RARG: variants seen among roughly 807,000 people sequenced by gnomAD.
The protein encoded by RARG is retinoic acid receptor gamma, also known as RAR-gamma.
RARG carries 17 observed loss-of-function variants against 43.7 expected under a neutral mutation model. The observed-to-expected ratio is 0.39, with a 90% CI of 0.27 to 0.58. The LOEUF is 0.58. Among genes scored for constraint, RARG ranks in the 20% least tolerant of loss-of-function variants. RARG has a pLI of 0.57. For missense variants in RARG, 346 were observed against 598.7 expected, an observed-to-expected ratio of 0.58 and a Z score of 4.40; for synonymous variants, 238 against 236.4, an observed-to-expected ratio of 1.01 and a Z score of -0.06.
In RARG at chr12:53,215,700, G is replaced by A. The variant is rs1167984913; in HGVS notation, c.279C>T (p.Cys93=). 6.2e-7 allele frequency: 1 copy of A among 1,613,864 alleles called. No homozygotes were observed. Among genetic ancestry groups the A allele is most frequent in the Non-Finnish European group, 8.5e-7 (1 of 1,179,964 alleles). The stretch of plus-strand genomic sequence containing the variant: ...AGTGGTAGCCAGAGGACTTGTCATT[G>A]CACACGAAGCATGGCTTGTAGACCC... ...PPRVYKPCFV[C]NDKSSGYHYG... is the part of the protein sequence containing the mutation. Residue 93 remains cysteine (C), a synonymous_variant, in exon 4 of 10, where the codon TGC becomes TGT. Transcript: ENST00000425354. The surrounding 1 kb of genome is among the most constrained non-coding windows in gnomAD (Gnocchi z 6.4).
chr12:53,215,226 G>A lies in RARG; in HGVS notation c.475+67C>T. ...GGTCAGGGAAGTGGGAGTGGCCAGA[G>A]GAAAGAGGGCCACAGCCATAGGGTA... On this transcript the variant is annotated intron_variant, in intron 5 of 9. Transcript: ENST00000425354. The surrounding 1 kb of genome is among the most constrained non-coding windows in gnomAD (Gnocchi z 6.4). 1.3e-6 allele frequency: 2 copies of A among 1,575,534 alleles called. No individual in the cohort carries two copies. Among genetic ancestry groups the A allele is most frequent in the Non-Finnish European group, 1.7e-6 (2 of 1,157,786 alleles).
intron 2 of RARG, among the ~76,000 whole-genome samples, chr12:53,230,247 A>G (rs1432395614): frequency 1.3e-5 from 2 of 151,686 alleles, no homozygotes; most frequent in African/African-American, 4.9e-5. Flanking sequence ...GGGATGACAG[A>G]CTAGGGGAGA....
In RARG at chr12:53,221,084, G is replaced by A. The variant is rs565438064; in HGVS notation, c.185-5290C>T. 4.1e-4 allele frequency among the ~76,000 whole-genome samples: 63 copies of A among 151,948 alleles called. 1 individual carries two copies. In the East Asian group the frequency reaches 0.012, roughly 29 times the overall value. ...TCTGGGAACCCCCCTCGGGGCGGGT[G>A]GCCGAGCGCGCTCACCTCCTCCTGA... On this transcript the variant is annotated intron_variant, in intron 3 of 9. Transcript: ENST00000425354.
In RARG at chr12:53,211,045, T is replaced by C. The variant is rs538720633; in HGVS notation, c.*631A>G. The stretch of plus-strand genomic sequence containing the variant: ...ATGACAGGGCTGGGGGAGGGACTTA[T>C]AACGGAGGGCACAGGGTGAACTCTG... On this transcript the variant is annotated 3_prime_UTR_variant, in exon 10 of 10. Coordinates refer to ENST00000425354, the MANE Select transcript of RARG (RefSeq NM_000966.6). The surrounding 1 kb of genome is among the most constrained non-coding windows in gnomAD (Gnocchi z 4.6). 2.6e-5 allele frequency: 4 copies of C among 152,642 alleles called. No individual in the cohort carries two copies. Among genetic ancestry groups the C allele is most frequent in the African/African-American group, 9.7e-5 (4 of 41,396 alleles). The allele number at this position is 152,642 out of a possible 1,614,324, so 9.5% of individuals were successfully genotyped here.
intron 2 of RARG, chr12:53,230,068 G>C: frequency 1.2e-6 from 1 of 821,664 alleles, no homozygotes; most frequent in Non-Finnish European, 1.5e-6. Flanking sequence ...GAAGAGAAGG[G>C]GAGGGTCTTA....
rs961403196 is a variant in RARG at position 53,213,414 on chromosome 12, C to T, written c.1018+82G>A. On this transcript the variant is annotated intron_variant, in intron 8 of 9. Coordinates refer to ENST00000425354, the MANE Select transcript of RARG (RefSeq NM_000966.6). This position sits in a 1 kb window ranked among gnomAD's most constrained non-coding sequence, Gnocchi z 4.7. ...GCAGAAGAGACCACTGGGTCCTCCACGCCCCCTCCCAGACAGATTCCGCAT... is the reference window on the plus strand; with the variant it reads ...GCAGAAGAGACCACTGGGTCCTCCATGCCCCCTCCCAGACAGATTCCGCAT... 4.6e-6 allele frequency: 7 copies of T among 1,531,934 alleles called. No homozygotes were observed. The highest frequency in any genetic ancestry group is 2.3e-5 in the South Asian group (2 of 88,404). 94.9% of individuals were successfully genotyped at this position (1,531,934 alleles called of 1,614,324 possible). A position where few individuals can be genotyped will look rare whatever the true frequency, so the allele number is the denominator to read the frequency against.
chr12:53,215,178 C>A lies in RARG; in HGVS notation c.475+115G>T. ...AGACTGGCCTGGGAGAAGGCAGCAC[C>A]CCAGGGCAGGCCAAGTCTCAGAGGT... is the stretch of plus-strand genomic sequence containing the variant. On this transcript the variant is annotated intron_variant, in intron 5 of 9. Coordinates refer to ENST00000425354, the MANE Select transcript of RARG (RefSeq NM_000966.6). This position sits in a 1 kb window ranked among gnomAD's most constrained non-coding sequence, Gnocchi z 6.4. The A allele has an allele frequency of 7.3e-7, 1 of 1,373,622 alleles. No homozygotes were observed. 85.1% of individuals were successfully genotyped at this position (1,373,622 alleles called of 1,614,324 possible). A position where few individuals can be genotyped will look rare whatever the true frequency, so the allele number is the denominator to read the frequency against.
At chr12:53,217,838 A>G (rs957665998) in intron 3 of RARG, among the ~76,000 whole-genome samples, 1 of 152,150 alleles carries the variant, frequency 6.6e-6, no homozygotes, top group African/African-American at 2.4e-5. Context: ...GGAGCTTCAA[A>G]CAAACTCTTT....
intron 3 of RARG, among the ~76,000 whole-genome samples, chr12:53,224,245 TCAGACCCC>T (rs1223071308): frequency 6.6e-6 from 1 of 151,408 alleles, no homozygotes; most frequent in East Asian, 2.0e-4. Flanking sequence ...TCACCCCCCT[TCAGACCCC>T]GAGACAGCCC....
rs976418344 is a variant in RARG at position 53,231,964 on chromosome 12, C to G, written c.-210+10G>C. Reference sequence around the variant, plus strand: ...CGGGGCGGGCGAGCCTGCTTCCCCGCCTGACTCACCTGGAGTGGGAGGGGG... The same window carrying G: ...CGGGGCGGGCGAGCCTGCTTCCCCGGCTGACTCACCTGGAGTGGGAGGGGG... On this transcript the variant is annotated intron_variant, in intron 1 of 9. Transcript: ENST00000425354. The G allele has an allele frequency of 5.1e-6, 2 of 395,934 alleles. No homozygotes were observed. The highest frequency in any genetic ancestry group is 4.1e-5 in the African/African-American group (2 of 48,556). The allele number at this position is 395,934 out of a possible 1,614,324, so 24.5% of individuals were successfully genotyped here. A position where few individuals can be genotyped will look rare whatever the true frequency, so the allele number is the denominator to read the frequency against.
chr12:53,219,936 A>T, intron 3 of RARG: 1 of 1,497,002 alleles, frequency 6.7e-7, no homozygotes, highest in Non-Finnish European at 8.9e-7. Flanking sequence ...CCAGCCCCGG[A>T]CTCCGGTACC....
At chr12:53,216,130 A>G (rs1400572141) in intron 3 of RARG, among the ~76,000 whole-genome samples, 2 of 152,256 alleles carry the variant, frequency 1.3e-5, no homozygotes, top group South Asian at 4.1e-4. Context: ...CTGTTTCCCT[A>G]ACTATCCAGG....
chr12:53,220,040 G>A (rs1942906685), intron 3 of RARG: 1 of 1,542,248 alleles, frequency 6.5e-7, no homozygotes, highest in South Asian at 1.2e-5. Context: ...CCGGCCCCGG[G>A]CCCGGCCGCC....
At position 53,211,559 on chromosome 12, in the gene RARG, T is replaced by C. The variant is rs1429357861; in HGVS notation, c.*117A>G. 5 of 1,006,764 alleles carry C rather than the reference T, an allele frequency of 5.0e-6. No homozygotes were observed. The highest frequency in any genetic ancestry group is 6.7e-6 in the Non-Finnish European group (5 of 750,836). The allele number at this position is 1,006,764 out of a possible 1,614,324, so 62.4% of individuals were successfully genotyped here. The stretch of plus-strand genomic sequence containing the variant: ...AACTTTGGCAAAAACAAGGAGCTCA[T>C]TGGAAGGGGTGGGGAGAGGGCAGAG... On this transcript the variant is annotated 3_prime_UTR_variant, in exon 10 of 10. Transcript: ENST00000425354. This position sits in a 1 kb window ranked among gnomAD's most constrained non-coding sequence, Gnocchi z 4.6.
Position 53,213,473 on chromosome 12 carries a change from G to C in RARG, c.1018+23C>G. The C allele has an allele frequency of 6.2e-7, 1 of 1,610,810 alleles. No individual in the cohort carries two copies. The highest frequency in any genetic ancestry group is 1.3e-5 in the African/African-American group (1 of 75,004). The stretch of plus-strand genomic sequence containing the variant: ...GGGAAAGGAGACTGAGCACTGAGCA[G>C]ACGCCAGGGGGCGCCCCCGCACCTC... On this transcript the variant is annotated intron_variant, in intron 8 of 9. Coordinates refer to ENST00000425354, the MANE Select transcript of RARG (RefSeq NM_000966.6). The surrounding 1 kb of genome is among the most constrained non-coding windows in gnomAD (Gnocchi z 4.7).
At position 53,215,876 on chromosome 12, in the gene RARG, TGCATTTGTTCCTTG is replaced by T. The variant is rs912733451; in HGVS notation, c.185-96_185-83del. Reference sequence around the variant, plus strand: ...GCTTCCTCATCACACACACCCCATGTGCATTTGTTCCTTGGCCCACTGGTGACAGCCATCACTAC... The same window carrying T: ...GCTTCCTCATCACACACACCCCATGTGCCCACTGGTGACAGCCATCACTAC... On this transcript the variant is annotated intron_variant, in intron 3 of 9. Coordinates refer to ENST00000425354, the MANE Select transcript of RARG (RefSeq NM_000966.6). The surrounding 1 kb of genome is among the most constrained non-coding windows in gnomAD (Gnocchi z 6.4). 7.0e-7 allele frequency: 1 copy of T among 1,419,428 alleles called. No homozygotes were observed. The highest frequency in any genetic ancestry group is 1.4e-5 in the African/African-American group (1 of 70,012). The allele number at this position is 1,419,428 out of a possible 1,614,324, so 87.9% of individuals were successfully genotyped here.
At chr12:53,221,061 T>C (rs796733594) in intron 3 of RARG, among the ~76,000 whole-genome samples, 4 of 151,964 alleles carry the variant, frequency 2.6e-5, no homozygotes, top group African/African-American at 9.7e-5. Flanking sequence ...GTGAACTCTC[T>C]GGGAACCCCC....
At chr12:53,225,091 A>G (rs764808380) in intron 3 of RARG, among the ~76,000 whole-genome samples, 1 of 152,206 alleles carries the variant, frequency 6.6e-6, no homozygotes, top group African/African-American at 2.4e-5. Context: ...GTTCTCTGCC[A>G]GAAGTACATT....
intron 9 of RARG, among the ~76,000 whole-genome samples, chr12:53,212,164 C>T (rs1942608938): frequency 6.6e-6 from 1 of 152,254 alleles, no homozygotes; most frequent in Non-Finnish European, 1.5e-5. Flanking sequence ...AAGTACCCCA[C>T]TCTCGAATGT....
Sources: gnomAD v4.1 joint callset for allele counts (sites outside exome capture counted in the v4.1 genomes callset) on GRCh38, gnomAD v4.1.1 for gene constraint, Gnocchi (gnomAD v3.1) non-coding constraint, MANE v1.5 for transcripts, NCBI Gene and HGNC (gene_info 2026-07-23, HGNC 2026-07-21) for gene names.